The following SBF2 variants were observed in gnomAD, a reference collection of about 807,000 sequenced individuals.
SBF2 encodes myotubularin-related protein 13.
A neutral mutation model predicts 225.2 loss-of-function variants in SBF2; 112 were observed. That is an observed-to-expected ratio of 0.50 (90% CI 0.43 to 0.58). SBF2 has a LOEUF of 0.58. Among genes scored for constraint, SBF2 ranks in the 20% least tolerant of loss-of-function variants. SBF2 has a pLI of 0.00. For missense variants in SBF2, 1,996 were observed against 2,206.2 expected, an observed-to-expected ratio of 0.90 and a Z score of 1.91; for synonymous variants, 763 against 773.3, an observed-to-expected ratio of 0.99 and a Z score of 0.22.
At chr11:10,115,936 G>A (rs1953116665) in intron 2 of SBF2, among the ~76,000 whole-genome samples, 1 of 152,142 alleles carries the variant, frequency 6.6e-6, no homozygotes, top group South Asian at 2.1e-4. Context: ...GGAGGCCGAG[G>A]CAGGCAGATC....
At chr11:9,903,676 G>C (rs1274814076) in intron 16 of SBF2, among the ~76,000 whole-genome samples, 1 of 152,202 alleles carries the variant, frequency 6.6e-6, no homozygotes, top group Non-Finnish European at 1.5e-5. Context: ...TTTTAACCTT[G>C]ATCCTAGGAC....
In SBF2 at chr11:9,969,911, G is replaced by A. The variant is rs79414426; in HGVS notation, c.1396-1366C>T. Among the ~76,000 whole-genome samples the A allele has an allele frequency of 4.0e-4, 61 of 152,284 alleles. 1 individual carries two copies. The highest frequency in any genetic ancestry group is 1.4e-3 in the African/African-American group (59 of 41,564). ...CTTCCCACTGCATCTTAATGAGGGGGACACAATGCTGAACACACATAAGGA... is the reference window on the plus strand; with the variant it reads ...CTTCCCACTGCATCTTAATGAGGGGAACACAATGCTGAACACACATAAGGA... On this transcript the variant is annotated intron_variant, in intron 13 of 39. Transcript: ENST00000256190.
At chr11:9,968,924 T>C (rs1438343543) in intron 13 of SBF2, among the ~76,000 whole-genome samples, 3 of 152,184 alleles carry the variant, frequency 2.0e-5, no homozygotes, top group Admixed American at 6.5e-5. Flanking sequence ...CTTTAAACCA[T>C]AAAAATACCA....
chr11:9,994,008 A>C lies in SBF2; in HGVS notation c.976-10T>G, dbSNP rs752844094. 1 of 1,203,794 alleles carries C rather than the reference A, an allele frequency of 8.3e-7. No individual in the cohort carries two copies. The highest frequency in any genetic ancestry group is 1.2e-6 in the Non-Finnish European group (1 of 805,552). 74.6% of individuals were successfully genotyped at this position (1,203,794 alleles called of 1,614,324 possible). A position where few individuals can be genotyped will look rare whatever the true frequency, so the allele number is the denominator to read the frequency against. On this transcript the variant is annotated splice_polypyrimidine_tract_variant and intron_variant, in intron 9 of 39. Coordinates refer to ENST00000256190, the MANE Select transcript of SBF2 (RefSeq NM_030962.4). ...AATCTGGGTGTAAAATCTAAAGCAAAAAAGTTTTGTTATGTAAAATATCAT... is the reference window on the plus strand; with the variant it reads ...AATCTGGGTGTAAAATCTAAAGCAACAAAGTTTTGTTATGTAAAATATCAT...
intron 5 of SBF2, 127 bp from the exon 6 acceptor site, chr11:10,028,684 G>T: frequency 1.4e-6 from 1 of 717,396 alleles, no homozygotes; most frequent in Non-Finnish European, 2.5e-6. Context: ...AGATACAAAA[G>T]GCAACAATGT....
intron 16 of SBF2, among the ~76,000 whole-genome samples, chr11:9,924,677 C>G (rs747065580): frequency 6.6e-6 from 1 of 152,198 alleles, no homozygotes; most frequent in African/African-American, 2.4e-5. Context: ...GGCGATCCAC[C>G]CCCCTCAGCC....
chr11:9,893,463 G>C (rs981602779), intron 17 of SBF2, among the ~76,000 whole-genome samples: 1 of 152,200 alleles, frequency 6.6e-6, no homozygotes, highest in African/African-American at 2.4e-5. Context: ...TGCCAGTAAA[G>C]GTGCTGAAGG....
chr11:9,827,142 T>A (rs1034865754), intron 28 of SBF2, among the ~76,000 whole-genome samples: 1 of 152,110 alleles, frequency 6.6e-6, no homozygotes, highest in Non-Finnish European at 1.5e-5. Context: ...CCGGCCTACT[T>A]AGTATCTTTT....
chr11:9,989,023 TAAAG>T (rs1053160548), intron 13 of SBF2, among the ~76,000 whole-genome samples: 9 of 151,640 alleles, frequency 5.9e-5, no homozygotes, highest in African/African-American at 9.7e-5. Flanking sequence ...AATGAGTGGA[TAAAG>T]AAACTGTGCC....
chr11:10,120,167 T>A (rs150572741), intron 2 of SBF2, among the ~76,000 whole-genome samples: 1 of 152,246 alleles, frequency 6.6e-6, no homozygotes, highest in Admixed American at 6.5e-5. Flanking sequence ...AGACCTGTTA[T>A]AAATGAAATT....
Position 9,856,558 on chromosome 11 carries a change from C to T in SBF2, c.2263G>A (p.Val755Met). The T allele has an allele frequency of 6.2e-7, 1 of 1,614,102 alleles. No individual in the cohort carries two copies. The highest frequency in any genetic ancestry group is 1.1e-5 in the South Asian group (1 of 91,080). The change falls in exon 19 of 40, where the codon GTG (valine) becomes ATG (methionine). Residue 755 changes from valine to methionine, a missense_variant. Val to Met is a conservative substitution (Grantham distance 21, BLOSUM62 1). Coordinates refer to ENST00000256190, the MANE Select transcript of SBF2 (RefSeq NM_030962.4). ...GTGTCGAGTGGAACTAGCAGGTTCA[C>T]CATGAGGTTTGCAAAGTGAATGGCC... The part of the protein sequence containing the change: ...SQAIHFANLM[V>M]NLLVPLDTSK...
At chr11:9,870,512 G>C (rs115755919) in intron 17 of SBF2, among the ~76,000 whole-genome samples, 4,209 of 152,236 alleles carry the variant, frequency 0.028, 173 homozygotes, top group African/African-American at 0.095. Flanking sequence ...CAAATATGTA[G>C]ACCAGTGGAC....
intron 2 of SBF2, among the ~76,000 whole-genome samples, chr11:10,093,997 G>C (rs1951896948): frequency 1.3e-5 from 2 of 152,176 alleles, no homozygotes; most frequent in Non-Finnish European, 2.9e-5. Flanking sequence ...CATAAAATTT[G>C]GAAAGTACTT....
At chr11:10,123,803 T>A (rs1463731447) in intron 2 of SBF2, among the ~76,000 whole-genome samples, 1 of 152,278 alleles carries the variant, frequency 6.6e-6, no homozygotes, top group East Asian at 1.9e-4. Context: ...AAAATAAAAA[T>A]GTACATTTGT....
rs550121529 is a variant in SBF2 at position 10,024,068 on chromosome 11, C to A, written c.619+4384G>T. Among the ~76,000 whole-genome samples the A allele has an allele frequency of 8.5e-5, 13 of 152,212 alleles. No individual in the cohort carries two copies. In the South Asian group the frequency reaches 2.5e-3, roughly 29 times the overall value. On this transcript the variant is annotated intron_variant, in intron 6 of 39. Transcript: ENST00000256190. ...CACATTTTTTAGAACTTTAGAGAAACCGAATCATGCCGTATATAATTTTTC... is the reference window on the plus strand; with the variant it reads ...CACATTTTTTAGAACTTTAGAGAAAACGAATCATGCCGTATATAATTTTTC...
chr11:9,875,461 T>G (rs1859149388), intron 17 of SBF2, among the ~76,000 whole-genome samples: 1 of 152,182 alleles, frequency 6.6e-6, no homozygotes, highest in African/African-American at 2.4e-5. Context: ...AAGGCCTACT[T>G]CCTAATACAA....
intron 6 of SBF2, among the ~76,000 whole-genome samples, chr11:10,012,670 T>C (rs898976501): frequency 2.0e-4 from 31 of 152,196 alleles, no homozygotes; most frequent in East Asian, 5.8e-4. Context: ...TATTTTTTTT[T>C]CCCCTGAGTA....
intron 16 of SBF2, chr11:9,956,633 C>G (rs550669099): frequency 1.4e-5 from 2 of 147,906 alleles, no homozygotes; most frequent in African/African-American, 2.5e-5. Context: ...GGCAGTTACA[C>G]AATTTGTTTA....
chr11:10,028,609 T>A, intron 5 of SBF2, 52 bp from the exon 6 acceptor site: 1 of 1,222,172 alleles, frequency 8.2e-7, no homozygotes, highest in Non-Finnish European at 1.2e-6. Context: ...CAGCCATTTT[T>A]TAAAAAATAA....
Sources: allele counts gnomAD v4.1 joint callset (sites outside exome capture counted in the v4.1 genomes callset), GRCh38; gene constraint gnomAD v4.1.1; transcripts MANE v1.5; gene names NCBI Gene and HGNC (gene_info 2026-07-23, HGNC 2026-07-21).